ASIC2: variants seen among roughly 807,000 people sequenced by gnomAD.
ASIC2 encodes acid-sensing ion channel 2.
A neutral mutation model predicts 57.3 loss-of-function variants in ASIC2; 25 were observed. That is an observed-to-expected ratio of 0.44 (90% CI 0.32 to 0.61). The LOEUF is 0.61. Ranked by LOEUF, ASIC2 falls within the 20% of genes least tolerant of loss-of-function variation. ASIC2 has a pLI of 0.06. For missense variants in ASIC2, 641 were observed against 738.1 expected, an observed-to-expected ratio of 0.87 and a Z score of 1.52; for synonymous variants, 319 against 307.5, an observed-to-expected ratio of 1.04 and a Z score of -0.39.
intron 1 of ASIC2, among the ~76,000 whole-genome samples, chr17:33,947,589 C>T (rs558295610): frequency 4.0e-5 from 6 of 151,152 alleles, no homozygotes; most frequent in Non-Finnish European, 5.9e-5. Context: ...AAGGGACATT[C>T]GCATGCAAAA....
intron 1 of ASIC2, among the ~76,000 whole-genome samples, chr17:33,155,370 A>T (rs1471696394): frequency 6.6e-6 from 1 of 152,154 alleles, no homozygotes; most frequent in African/African-American, 2.4e-5. Flanking sequence ...CTGGAAACTG[A>T]GCATCTGTGC....
intron 1 of ASIC2, among the ~76,000 whole-genome samples, chr17:34,083,393 G>A (rs1036349493): frequency 4.0e-5 from 6 of 151,806 alleles, no homozygotes; most frequent in East Asian, 1.9e-4. Flanking sequence ...TGGTGTATAT[G>A]TGCCACATTT....
intron 1 of ASIC2, among the ~76,000 whole-genome samples, chr17:33,960,466 A>C (rs16969055): frequency 0.05 from 7,542 of 152,202 alleles, 642 homozygotes; most frequent in African/African-American, 0.17. Flanking sequence ...TTGACTGGAG[A>C]TTGATCCTGG....
intron 1 of ASIC2, among the ~76,000 whole-genome samples, chr17:33,877,327 T>C (rs765694506): frequency 1.3e-5 from 2 of 152,188 alleles, no homozygotes; most frequent in Non-Finnish European, 2.9e-5. Context: ...AGGCATCGCC[T>C]CGCCCGGGAA....
intron 1 of ASIC2, among the ~76,000 whole-genome samples, chr17:33,544,409 G>A (rs1915516928): frequency 6.6e-6 from 1 of 152,220 alleles, no homozygotes. Flanking sequence ...ATACCCACGA[G>A]TGGAAATTCC....
intron 1 of ASIC2, among the ~76,000 whole-genome samples, chr17:33,537,188 C>T (rs558620971): frequency 7.2e-5 from 11 of 152,294 alleles, no homozygotes; most frequent in East Asian, 3.9e-4. Flanking sequence ...TCTCACTCAT[C>T]GGTCTGCAGC....
intron 1 of ASIC2, among the ~76,000 whole-genome samples, chr17:34,019,322 AC>A (rs1188444157): frequency 5.3e-5 from 8 of 152,220 alleles, no homozygotes; most frequent in Non-Finnish European, 7.3e-5. Context: ...GTTTGAGAGG[AC>A]TGACTCCAAT....
At chr17:34,149,289 T>C (rs1194247460) in intron 1 of ASIC2, among the ~76,000 whole-genome samples, 1 of 152,086 alleles carries the variant, frequency 6.6e-6, no homozygotes, top group Non-Finnish European at 1.5e-5. Context: ...GTATTTCTTG[T>C]AGAGACTGGG....
intron 1 of ASIC2, among the ~76,000 whole-genome samples, chr17:33,617,146 G>A (rs1905631940): frequency 6.6e-6 from 1 of 152,192 alleles, no homozygotes; most frequent in Admixed American, 6.5e-5. Flanking sequence ...TGGGTTTACA[G>A]CAATCCCATT....
intron 7 of ASIC2, among the ~76,000 whole-genome samples, chr17:33,020,567 T>C (rs573498900): frequency 1.3e-5 from 2 of 152,054 alleles, no homozygotes; most frequent in African/African-American, 4.8e-5. Flanking sequence ...GAGTTTTGGG[T>C]TGGGCTGGGT....
chr17:34,034,217 C>T (rs1019093904), intron 1 of ASIC2, among the ~76,000 whole-genome samples: 2 of 152,154 alleles, frequency 1.3e-5, no homozygotes, highest in Non-Finnish European at 2.9e-5. Flanking sequence ...ATATGCAAAT[C>T]AATAAATGTA....
chr17:33,189,052 C>T (rs1603577), intron 1 of ASIC2, among the ~76,000 whole-genome samples: 39,954 of 151,978 alleles, frequency 0.26, 7,568 homozygotes, highest in African/African-American at 0.52. Flanking sequence ...TACATACAGT[C>T]GTATAACATT....
At chr17:34,123,606 ACCAGATAGTCTAGGTCCAAAT>A (rs1423897436) in intron 1 of ASIC2, among the ~76,000 whole-genome samples, 1 of 152,112 alleles carries the variant, frequency 6.6e-6, no homozygotes, top group Non-Finnish European at 1.5e-5. Flanking sequence ...GGAGTCTACA[ACCAGATAGTCTAGGTCCAAAT>A]CCAGCAGCTG....
intron 1 of ASIC2, among the ~76,000 whole-genome samples, chr17:34,024,977 C>T (rs1170358852): frequency 6.6e-6 from 1 of 152,238 alleles, no homozygotes; most frequent in Non-Finnish European, 1.5e-5. Flanking sequence ...TGGAGAATGA[C>T]TCACTGAATG....
At position 33,111,971 on chromosome 17, in the gene ASIC2, C is replaced by G. The variant is rs199552243; in HGVS notation, c.805G>C (p.Glu269Gln). ...TVKGGTGNGL[E>Q]IMLDIQQDEY... ...TCCTGCTGAATGTCCAGCATGATCT[C>G]CAGCCCGTTGCCTGTCCCCCCCTTG... Residue 269 changes from glutamate (E) to glutamine (Q), a missense_variant, in exon 2 of 10, where the codon GAG becomes CAG. By Grantham distance (29) the Glu-to-Gln change is conservative. Around this residue, in one of 3 missense-constraint regions of ASIC2, gnomAD observed 382 missense variants for 398.0 expected, o/e 0.96. Coordinates refer to ENST00000225823, the MANE Select transcript of ASIC2 (RefSeq NM_183377.2). 3 of 1,614,142 alleles carry G rather than the reference C, an allele frequency of 1.9e-6. No homozygotes were observed. Among genetic ancestry groups the G allele is most frequent in the Non-Finnish European group, 2.5e-6 (3 of 1,180,018 alleles).
intron 1 of ASIC2, among the ~76,000 whole-genome samples, chr17:33,443,568 T>A (rs1907650538): frequency 1.1e-5 from 1 of 87,058 alleles, no homozygotes; most frequent in African/African-American, 3.5e-5. Flanking sequence ...CGCCCGCCAC[T>A]ACGCCCGGCT....
chr17:33,877,093 C>A (rs536649506), intron 1 of ASIC2, among the ~76,000 whole-genome samples: 38 of 152,196 alleles, frequency 2.5e-4, no homozygotes, highest in African/African-American at 8.9e-4. Context: ...CTTTTTTTCT[C>A]CACAGTATGA....
intron 1 of ASIC2, among the ~76,000 whole-genome samples, chr17:33,920,621 G>A (rs971304662): frequency 6.6e-6 from 1 of 152,166 alleles, no homozygotes; most frequent in Non-Finnish European, 1.5e-5. Flanking sequence ...CTCACTACCT[G>A]GGTGATGAGA....
At chr17:34,003,776 C>T (rs1316235431) in intron 1 of ASIC2, 1 of 152,280 alleles carries the variant, frequency 6.6e-6, no homozygotes, top group Non-Finnish European at 1.5e-5. Flanking sequence ...CCCTGCTCTT[C>T]TCTCTCACTG....
Sources: allele counts gnomAD v4.1 joint callset (sites outside exome capture counted in the v4.1 genomes callset), GRCh38; gene constraint gnomAD v4.1.1; regional missense constraint gnomAD v4.1.1; transcripts MANE v1.5; gene names NCBI Gene and HGNC (gene_info 2026-07-23, HGNC 2026-07-21).